The following TASP1 variants were observed in gnomAD, a reference collection of about 807,000 sequenced individuals.
TASP1 encodes taspase 1, also known as threonine aspartase 1.
A neutral mutation model predicts 56.6 loss-of-function variants in TASP1; 16 were observed. The observed-to-expected ratio is 0.28, with a 90% CI of 0.19 to 0.43. The LOEUF (loss-of-function observed/expected upper bound fraction) is 0.43. Among genes scored for constraint, TASP1 ranks in the 20% least tolerant of loss-of-function variants. TASP1 has a pLI of 1.00. For missense variants in TASP1, 393 were observed against 511.6 expected, an observed-to-expected ratio of 0.77 and a Z score of 2.24; for synonymous variants, 179 against 184.2, an observed-to-expected ratio of 0.97 and a Z score of 0.23.
At chr20:13,553,774 A>G (rs1459636325) in intron 8 of TASP1, among the ~76,000 whole-genome samples, 1 of 152,176 alleles carries the variant, frequency 6.6e-6, no homozygotes, top group Non-Finnish European at 1.5e-5. Context: ...AGATTATAAA[A>G]ACTTATCTCC....
At chr20:13,423,153 T>G (rs993905193) in intron 12 of TASP1, among the ~76,000 whole-genome samples, 1 of 152,200 alleles carries the variant, frequency 6.6e-6, no homozygotes, top group African/African-American at 2.4e-5. Flanking sequence ...TATGATACTG[T>G]ATACAATGAA....
the TASP1 span, among the ~76,000 whole-genome samples, chr20:13,210,616 C>CGTGTGTGTGTGT: frequency 1.5e-3 from 228 of 147,496 alleles, 1 homozygote; most frequent in African/African-American, 5.1e-3. Context: ...CATGTGCACA[C>CGTGTGTGTGTGT]GTGTGTGTGT....
intron 5 of TASP1, among the ~76,000 whole-genome samples, chr20:13,584,350 G>C (rs1432398940): frequency 6.6e-6 from 1 of 152,044 alleles, no homozygotes; most frequent in East Asian, 1.9e-4. Flanking sequence ...TAGTAAGTTT[G>C]ACAAACAAAA....
intron 12 of TASP1, among the ~76,000 whole-genome samples, chr20:13,421,317 C>T (rs114609928): frequency 2.5e-3 from 378 of 151,940 alleles, no homozygotes; most frequent in African/African-American, 8.2e-3. Context: ...TCAGGTGATC[C>T]GCCCACCTCA....
At chr20:13,391,763 A>T (rs553696284) in intron 13 of TASP1, among the ~76,000 whole-genome samples, 2 of 151,926 alleles carry the variant, frequency 1.3e-5, no homozygotes, top group East Asian at 3.9e-4. Flanking sequence ...GTCAGGAGAT[A>T]GAGACCATCC....
chr20:13,264,050 A>C, the TASP1 span, among the ~76,000 whole-genome samples: 1 of 152,144 alleles, frequency 6.6e-6, no homozygotes, highest in African/African-American at 2.4e-5. Flanking sequence ...ATAAAATCTA[A>C]CTAGGCCCTC....
the TASP1 span, chr20:13,159,970 C>CTTTTTT: frequency 8.6e-7 from 1 of 1,163,930 alleles, no homozygotes; most frequent in African/African-American, 1.6e-5. Flanking sequence ...CAACTAACCA[C>CTTTTTT]TTTTTTTTTT....
downstream of TASP1, among the ~76,000 whole-genome samples, chr20:13,389,168 G>T (rs2041191004): frequency 1.3e-5 from 2 of 152,196 alleles, no homozygotes; most frequent in South Asian, 4.1e-4. Flanking sequence ...TCAAAGCAAA[G>T]TGTTCTTATT....
chr20:13,606,979 G>T (rs1355389799), intron 4 of TASP1, among the ~76,000 whole-genome samples: 1 of 152,038 alleles, frequency 6.6e-6, no homozygotes, highest in Non-Finnish European at 1.5e-5. Context: ...AACCCCTTAA[G>T]CAAGCTGATA....
intron 11 of TASP1, among the ~76,000 whole-genome samples, chr20:13,477,904 G>A (rs1313070250): frequency 2.0e-5 from 3 of 152,018 alleles, no homozygotes; most frequent in African/African-American, 7.2e-5. Context: ...CCTGATCTTG[G>A]CATAAGGTAA....
At chr20:13,195,597 C>T in the TASP1 span, among the ~76,000 whole-genome samples, 3 of 152,268 alleles carry the variant, frequency 2.0e-5, no homozygotes, top group African/African-American at 7.2e-5. Flanking sequence ...CTTGCTATCA[C>T]ATCTTATGTT....
At chr20:13,463,316 C>T (rs2044126902) in intron 11 of TASP1, among the ~76,000 whole-genome samples, 1 of 151,966 alleles carries the variant, frequency 6.6e-6, no homozygotes, top group South Asian at 2.1e-4. Context: ...TATCCACATG[C>T]AAAGGAATTA....
intron 12 of TASP1, among the ~76,000 whole-genome samples, chr20:13,430,822 T>C (rs911914325): frequency 4.6e-5 from 7 of 152,208 alleles, no homozygotes; most frequent in Non-Finnish European, 1.0e-4. Flanking sequence ...ATTCTATTCA[T>C]GAATCAGTAG....
chr20:13,225,071 T>C, the TASP1 span, among the ~76,000 whole-genome samples: 1 of 151,428 alleles, frequency 6.6e-6, no homozygotes, highest in Non-Finnish European at 1.5e-5. Context: ...GCCAGGATGG[T>C]CTCACTCTCC....
In TASP1 at chr20:13,496,966, G is replaced by A. The variant is rs2043754487; in HGVS notation, c.875-13629C>T. On this transcript the variant is annotated intron_variant, in intron 10 of 13. Coordinates refer to ENST00000337743, the MANE Select transcript of TASP1 (RefSeq NM_017714.3). The stretch of plus-strand genomic sequence containing the variant: ...AAGCAGTGGAAAAAGAATAAATGCT[G>A]TAGATGAGGACAAGAAATTAGTTGA... Among the ~76,000 whole-genome samples the A allele has an allele frequency of 2.0e-5, 3 of 152,218 alleles. No homozygotes were observed. In the South Asian group the frequency reaches 6.2e-4, roughly 31 times the overall value.
At chr20:13,432,848 T>A (rs973767593) in intron 12 of TASP1, among the ~76,000 whole-genome samples, 2 of 152,122 alleles carry the variant, frequency 1.3e-5, no homozygotes, top group African/African-American at 2.4e-5. Context: ...TTAACACAAA[T>A]GGGTAAGAGT....
At chr20:13,221,794 C>T in the TASP1 span, 1 of 1,452,794 alleles carries the variant, frequency 6.9e-7, no homozygotes, top group East Asian at 3.1e-5. Context: ...GCCTGGCGGC[C>T]GAGCTGCTGC....
In TASP1 at chr20:13,515,713, CA is replaced by C. The variant is rs1443374192; in HGVS notation, c.874+12719del. Among the ~76,000 whole-genome samples the C allele has an allele frequency of 1.8e-4, 28 of 152,174 alleles. No individual in the cohort carries two copies. In the Middle Eastern group the frequency reaches 0.02, roughly 111 times the overall value. ...TAAGAAGAATTAAATATCTACATGT[CA>C]AACATCTGAAAGCAAAACCCCGGAA... On this transcript the variant is annotated intron_variant, in intron 10 of 13. Coordinates refer to ENST00000337743, the MANE Select transcript of TASP1 (RefSeq NM_017714.3).
chr20:13,476,042 C>A (rs1407020833), intron 11 of TASP1, among the ~76,000 whole-genome samples: 3 of 152,158 alleles, frequency 2.0e-5, no homozygotes, highest in Non-Finnish European at 4.4e-5. Context: ...TCACTTGAAT[C>A]CAGGAGGCGG....
Sources: gnomAD v4.1 joint callset for allele counts (sites outside exome capture counted in the v4.1 genomes callset) on GRCh38, gnomAD v4.1.1 for gene constraint, MANE v1.5 for transcripts, NCBI Gene and HGNC (gene_info 2026-07-23, HGNC 2026-07-21) for gene names.